Variants in CPA6 observed in about 807,000 individuals in gnomAD.
The protein encoded by CPA6 is carboxypeptidase B.
Under a neutral mutation model 63.3 loss-of-function variants are expected in CPA6, and 58 were observed. The ratio of observed to expected loss-of-function variants is 0.92; its 90% confidence interval spans 0.74 to 1.14. The LOEUF (loss-of-function observed/expected upper bound fraction) is 1.14. Ranked by LOEUF, CPA6 falls within the 50% of genes most tolerant of loss-of-function variation. The pLI is 0.00. For missense variants in CPA6, 565 were observed against 526.6 expected (o/e 1.07, Z -0.71); for synonymous variants, 185 against 179.0 (o/e 1.03, Z -0.27).
intron 4 of CPA6, among the ~76,000 whole-genome samples, chr8:67,510,406 A>ATGTGTG (rs71554609): frequency 0.065 from 9,703 of 150,348 alleles, 715 homozygotes; most frequent in African/African-American, 0.18. Context: ...AGCAGGATAT[A>ATGTGTG]TGTGTGTGTG....
chr8:67,638,970 C>A (rs868522696), intron 1 of CPA6, among the ~76,000 whole-genome samples: 1 of 151,450 alleles, frequency 6.6e-6, no homozygotes, highest in Non-Finnish European at 1.5e-5. Flanking sequence ...TATCTTAAAA[C>A]CAGGTCTCAA....
chr8:67,484,266 G>A (rs2128961297), intron 7 of CPA6, among the ~76,000 whole-genome samples: 1 of 151,932 alleles, frequency 6.6e-6, no homozygotes, highest in South Asian at 2.1e-4. Context: ...TAGAGACGGG[G>A]TTTCACGGTG....
intron 3 of CPA6, among the ~76,000 whole-genome samples, chr8:67,516,012 C>A (rs1319793894): frequency 6.6e-6 from 1 of 152,156 alleles, no homozygotes. Flanking sequence ...CCATATTAGA[C>A]CCAGGGATGA....
At chr8:67,535,605 GCTCT>G (rs1234957468) in intron 2 of CPA6, among the ~76,000 whole-genome samples, 2 of 152,088 alleles carry the variant, frequency 1.3e-5, no homozygotes, top group Non-Finnish European at 1.5e-5. Context: ...CTGGATATTA[GCTCT>G]CTGTCAGATG....
At chr8:67,702,750 T>G (rs1032217389) in intron 1 of CPA6, among the ~76,000 whole-genome samples, 2 of 152,138 alleles carry the variant, frequency 1.3e-5, no homozygotes, top group African/African-American at 4.8e-5. Context: ...CCCTCTCAAG[T>G]GCTAGCAGGC....
chr8:67,711,923 C>T (rs941119756), intron 1 of CPA6, among the ~76,000 whole-genome samples: 1 of 152,122 alleles, frequency 6.6e-6, no homozygotes, highest in African/African-American at 2.4e-5. Context: ...TGGTCAAATC[C>T]ACAGAGCCAT....
chr8:67,561,191 C>A (rs1420821335), intron 2 of CPA6, among the ~76,000 whole-genome samples: 1 of 152,084 alleles, frequency 6.6e-6, no homozygotes, highest in African/African-American at 2.4e-5. Flanking sequence ...ATTTGAAGCT[C>A]TCCATTACTT....
intron 1 of CPA6, among the ~76,000 whole-genome samples, chr8:67,710,919 G>A (rs977254942): frequency 2.0e-5 from 3 of 152,138 alleles, no homozygotes; most frequent in African/African-American, 7.2e-5. Context: ...GTAGTCATTT[G>A]GTAATGACCA....
In CPA6 at chr8:67,607,210, C is replaced by CTTCTTCTTCTTCTTG. The variant is rs1814677878; in HGVS notation, c.192+16965_192+16966insCAAGAAGAAGAAGAA. Among the ~76,000 whole-genome samples the CTTCTTCTTCTTCTTG allele has an allele frequency of 2.0e-5, 2 of 98,266 alleles. 1 individual carries two copies. Among genetic ancestry groups the CTTCTTCTTCTTCTTG allele is most frequent in the Admixed American group, 2.5e-4 (2 of 8,080 alleles). 64.5% of individuals were successfully genotyped at this position (98,266 alleles called of 152,430 possible). A position where few individuals can be genotyped will look rare whatever the true frequency, so the allele number is the denominator to read the frequency against. On this transcript the variant is annotated intron_variant, in intron 2 of 10. Transcript: ENST00000297770. The stretch of plus-strand genomic sequence containing the variant: ...TCTTCTTCTTCTTCTTCTTCTTCTT[C>CTTCTTCTTCTTCTTG]TTCTTCTTCTTCTTCTTCTTCTTCT...
At chr8:67,619,280 T>C (rs906565490) in intron 2 of CPA6, among the ~76,000 whole-genome samples, 12 of 152,224 alleles carry the variant, frequency 7.9e-5, no homozygotes, top group African/African-American at 2.9e-4. Context: ...AGGTTGTTAG[T>C]TCACTGTGTG....
intron 2 of CPA6, among the ~76,000 whole-genome samples, chr8:67,594,710 A>G (rs1449431972): frequency 6.6e-6 from 1 of 152,068 alleles, no homozygotes; most frequent in African/African-American, 2.4e-5. Context: ...GTAGTTCTCG[A>G]GCCTTGGCTT....
chr8:67,541,324 T>C (rs1405780509), intron 2 of CPA6, among the ~76,000 whole-genome samples: 1 of 151,916 alleles, frequency 6.6e-6, no homozygotes, highest in African/African-American at 2.4e-5. Context: ...AATTTCTGCC[T>C]CCAAAGAAAG....
chr8:67,481,590 C>T (rs1163402608), intron 8 of CPA6, among the ~76,000 whole-genome samples: 2 of 152,208 alleles, frequency 1.3e-5, no homozygotes, highest in African/African-American at 2.4e-5. Context: ...TTTCAAGAAT[C>T]ACTGACTTAA....
At chr8:67,586,814 G>A (rs1224427727) in intron 2 of CPA6, among the ~76,000 whole-genome samples, 1 of 152,184 alleles carries the variant, frequency 6.6e-6, no homozygotes, top group African/African-American at 2.4e-5. Context: ...TGAGAAGTTG[G>A]ATGAGTTATC....
intron 8 of CPA6, among the ~76,000 whole-genome samples, chr8:67,461,518 G>A (rs548858564): frequency 1.3e-5 from 2 of 151,968 alleles, no homozygotes; most frequent in Non-Finnish European, 2.9e-5. Flanking sequence ...ACCTTTCCCC[G>A]CTTTCTATTC....
At chr8:67,550,063 AT>A (rs1198777010) in intron 2 of CPA6, among the ~76,000 whole-genome samples, 1 of 152,126 alleles carries the variant, frequency 6.6e-6, no homozygotes, top group Non-Finnish European at 1.5e-5. Flanking sequence ...AACTTTTTAG[AT>A]TTGGAGCTAC....
intron 1 of CPA6, among the ~76,000 whole-genome samples, chr8:67,631,839 C>G (rs1236620322): frequency 6.6e-6 from 1 of 151,948 alleles, no homozygotes; most frequent in African/African-American, 2.4e-5. Flanking sequence ...CAACTCCAGA[C>G]GTGCCACCTT....
At chr8:67,514,449 C>T (rs1165841943) in intron 3 of CPA6, among the ~76,000 whole-genome samples, 1 of 152,058 alleles carries the variant, frequency 6.6e-6, no homozygotes, top group Non-Finnish European at 1.5e-5. Context: ...GAGTAAATGA[C>T]AATCTTTTGA....
At chr8:67,458,934 T>C (rs1167348040) in intron 8 of CPA6, among the ~76,000 whole-genome samples, 1 of 152,178 alleles carries the variant, frequency 6.6e-6, no homozygotes, top group East Asian at 1.9e-4. Flanking sequence ...CTTTCATTCA[T>C]TGATTGTAGT....
Sources: gnomAD v4.1 joint callset for allele counts (sites outside exome capture counted in the v4.1 genomes callset) on GRCh38, gnomAD v4.1.1 for gene constraint, MANE v1.5 for transcripts, NCBI Gene and HGNC (gene_info 2026-07-23, HGNC 2026-07-21) for gene names.